ESR2: variants seen among roughly 807,000 people sequenced by gnomAD.
ESR2 encodes estrogen receptor 2.
A neutral mutation model predicts 49.6 loss-of-function variants in ESR2; 36 were observed. The ratio of observed to expected loss-of-function variants is 0.73; its 90% CI spans 0.56 to 0.96. The LOEUF is 0.96. ESR2 is among the 40% of genes least tolerant of loss of function. ESR2 has a pLI of 0.00. For synonymous variants in ESR2, 320 were observed against 266.1 expected (o/e 1.20, Z -1.97); for missense variants, 714 against 693.0 (o/e 1.03, Z -0.34).
chr14:64,260,238 G>A (rs763905276), intron 5 of ESR2: 1 of 760,096 alleles, frequency 1.3e-6, no homozygotes, highest in Non-Finnish European at 2.4e-6. Context: ...AAGAGTCTCA[G>A]AATTCTAAAT....
chr14:64,306,057 A>C (rs2077092874), intron 1 of ESR2, among the ~76,000 whole-genome samples: 2 of 152,204 alleles, frequency 1.3e-5, no homozygotes, highest in South Asian at 4.1e-4. Context: ...AAAAATACAA[A>C]AATTAGCTGG....
In ESR2 at chr14:64,232,940, C is replaced by A; in HGVS notation, c.*197G>T. On this transcript the variant is annotated 3_prime_UTR_variant, in exon 9 of 9. Coordinates refer to ENST00000341099, the MANE Select transcript of ESR2 (RefSeq NM_001437.3). ...ACGCTGCATTCAAATGTGCCCTCTG[C>A]TAACAAGGGAAACTATGGCTTCCTC... 8.3e-7 allele frequency: 1 copy of A among 1,198,706 alleles called. No homozygotes were observed. Among genetic ancestry groups the A allele is most frequent in the Non-Finnish European group, 1.1e-6 (1 of 906,324 alleles). The allele number at this position is 1,198,706 out of a possible 1,614,324, so 74.3% of individuals were successfully genotyped here.
At chr14:64,289,267 C>T (rs977610318) in intron 1 of ESR2, among the ~76,000 whole-genome samples, 1 of 152,118 alleles carries the variant, frequency 6.6e-6, no homozygotes, top group Non-Finnish European at 1.5e-5. Flanking sequence ...AACCCCAGCA[C>T]TTTGGGAGGC....
intron 1 of ESR2, among the ~76,000 whole-genome samples, chr14:64,306,077 C>T (rs935617148): frequency 1.3e-5 from 2 of 151,872 alleles, no homozygotes; most frequent in Non-Finnish European, 2.9e-5. Context: ...GGCATGGTGG[C>T]GCATGCCTGT....
intron 1 of ESR2, among the ~76,000 whole-genome samples, chr14:64,290,388 G>A (rs979280638): frequency 6.7e-6 from 1 of 150,046 alleles, no homozygotes. Flanking sequence ...ATCTTTAAAT[G>A]TATTCTTATT....
chr14:64,301,032 G>A (rs1254315398), intron 1 of ESR2, among the ~76,000 whole-genome samples: 1 of 152,082 alleles, frequency 6.6e-6, no homozygotes, highest in African/African-American at 2.4e-5. Flanking sequence ...CAATGAGGTG[G>A]GTACTCCTTA....
chr14:64,263,036 A>G (rs926122626), intron 4 of ESR2, among the ~76,000 whole-genome samples: 1 of 152,248 alleles, frequency 6.6e-6, no homozygotes, highest in African/African-American at 2.4e-5. Flanking sequence ...AAAATTTTTT[A>G]AATCAAAAAA....
At chr14:64,330,519 G>A (rs1213753626) in intron 1 of ESR2, 4 of 152,006 alleles carry the variant, frequency 2.6e-5, no homozygotes, top group Admixed American at 2.6e-4. Flanking sequence ...ATAGACTGAA[G>A]AGTCAATGTT....
At chr14:64,264,070 G>T (rs1001608970) in intron 4 of ESR2, among the ~76,000 whole-genome samples, 5 of 146,714 alleles carry the variant, frequency 3.4e-5, no homozygotes, top group Non-Finnish European at 5.9e-5. Flanking sequence ...AAGACATGTT[G>T]TAAGTAAGGA....
chr14:64,278,325 C>A (rs955991137), intron 3 of ESR2, among the ~76,000 whole-genome samples: 6 of 152,120 alleles, frequency 3.9e-5, no homozygotes, highest in Non-Finnish European at 8.8e-5. Context: ...ATTATAAAAT[C>A]CAGGACAAAG....
At chr14:64,333,710 C>G (rs1047480740) in intron 1 of ESR2, among the ~76,000 whole-genome samples, 2 of 152,062 alleles carry the variant, frequency 1.3e-5, no homozygotes, top group African/African-American at 4.8e-5. Flanking sequence ...TTCACTACGA[C>G]GAGAACAACA....
At chr14:64,268,724 G>C (rs1269649799) in intron 4 of ESR2, 71 bp downstream of exon 4, 2 of 845,798 alleles carry the variant, frequency 2.4e-6, no homozygotes, top group African/African-American at 3.4e-5. Context: ...CCGGCTACCT[G>C]TCCCCAGTTC....
At chr14:64,265,922 G>A (rs542714677) in intron 4 of ESR2, among the ~76,000 whole-genome samples, 13 of 152,258 alleles carry the variant, frequency 8.5e-5, no homozygotes, top group Middle Eastern at 6.8e-3. Context: ...GAGGGTTTTG[G>A]GGAAGGCAGA....
intron 1 of ESR2, among the ~76,000 whole-genome samples, chr14:64,287,884 A>G (rs780076573): frequency 6.6e-5 from 10 of 152,238 alleles, no homozygotes; most frequent in Non-Finnish European, 1.3e-4. Context: ...TGGCCTCAGT[A>G]CAATGTTCTG....
upstream of ESR2, among the ~76,000 whole-genome samples, chr14:64,295,309 A>AG (rs200101935): frequency 1.8e-4 from 27 of 152,224 alleles, no homozygotes; most frequent in South Asian, 1.0e-3. Context: ...GAGGAAGACG[A>AG]GGGGGGGCAT....
chr14:64,285,533 G>C (rs1329349012), intron 1 of ESR2, among the ~76,000 whole-genome samples: 1 of 152,024 alleles, frequency 6.6e-6, no homozygotes, highest in Non-Finnish European at 1.5e-5. Context: ...CAAAATGATA[G>C]AGGTGCATAG....
At chr14:64,289,020 C>G (rs915808528) in intron 1 of ESR2, among the ~76,000 whole-genome samples, 10 of 149,684 alleles carry the variant, frequency 6.7e-5, no homozygotes, top group African/African-American at 2.5e-4. Flanking sequence ...CAGCCACCAT[C>G]AAGCCTGTTC....
chr14:64,274,032 C>T (rs1174399012), intron 3 of ESR2, among the ~76,000 whole-genome samples: 3 of 151,650 alleles, frequency 2.0e-5, no homozygotes, highest in South Asian at 4.2e-4. Context: ...CTTGACTTCC[C>T]GGTCCCAAGC....
At chr14:64,250,271 A>C (rs183430610) in intron 6 of ESR2, among the ~76,000 whole-genome samples, 1 of 152,366 alleles carries the variant, frequency 6.6e-6, no homozygotes, top group Admixed American at 6.5e-5. Flanking sequence ...GAGAAGATGG[A>C]TTAGAATCAG....
Sources: allele counts gnomAD v4.1 joint callset (sites outside exome capture counted in the v4.1 genomes callset), GRCh38; gene constraint gnomAD v4.1.1; transcripts MANE v1.5; gene names NCBI Gene and HGNC (gene_info 2026-07-23, HGNC 2026-07-21).